Variants in KLK15 observed in about 807,000 individuals in gnomAD.
The protein encoded by KLK15 is kallikrein related peptidase 15, also known as kallikrein-15.
In KLK15, 19 loss-of-function variants were observed where a neutral mutation model predicts 21.1. The ratio of observed to expected loss-of-function variants is 0.90; its 90% CI spans 0.63 to 1.32. The LOEUF is 1.32. Among genes scored for constraint, KLK15 ranks in the 40% most tolerant of loss-of-function variants. The pLI, the probability that KLK15 is intolerant of heterozygous loss-of-function variation, is 0.00. For synonymous variants in KLK15, 141 were observed against 141.5 expected, an observed-to-expected ratio of 1.00 and a Z score of 0.03; for missense variants, 345 against 348.6, an observed-to-expected ratio of 0.99 and a Z score of 0.08.
chr19:50,831,988 A>ATT (rs200501777), upstream of KLK15, among the ~76,000 whole-genome samples: 66 of 148,202 alleles, frequency 4.5e-4, no homozygotes, highest in African/African-American at 1.5e-3. Context: ...ATTTTTTGGA[A>ATT]ATTTTTTTTT....
Position 50,827,064 on chromosome 19 carries a change from C to A in KLK15, c.295G>T (p.Glu99Ter), listed in dbSNP as rs867228839. The stretch of plus-strand genomic sequence containing the variant: ...ATGTCGTTGCGGTGGCTGCGCGCTT[C>A]GTAGCGCGGGTGTGGAATGACCCGA... Residue 99 changes from glutamate (E) to a stop codon, truncating the protein, a stop_gained, in exon 3 of 5, where the codon GAA (glutamate) becomes TAA (stop). Coordinates refer to ENST00000598239, the Ensembl canonical transcript of KLK15. LOFTEE classifies it high-confidence loss of function. 2 of 1,606,310 alleles carry A rather than the reference C, an allele frequency of 1.2e-6. No homozygotes were observed. Among genetic ancestry groups the A allele is most frequent in the Non-Finnish European group, 1.7e-6 (2 of 1,179,938 alleles).
intron 1 of KLK15, chr19:50,830,418 A>G (rs7246740): frequency 0.042 from 6,394 of 152,078 alleles, 297 homozygotes; most frequent in Middle Eastern, 0.12. Context: ...TGTGGTGGAC[A>G]AGGGGCTTAA....
upstream of KLK15, among the ~76,000 whole-genome samples, chr19:50,832,752 C>T (rs2090012365): frequency 6.6e-6 from 1 of 152,170 alleles, no homozygotes; most frequent in Admixed American, 6.5e-5. Context: ...CTATTCCTCC[C>T]ACCGCATATC....
At chr19:50,832,128 AC>A (rs10717456), upstream of KLK15, among the ~76,000 whole-genome samples, 119,109 of 150,846 alleles carry the variant, frequency 0.79, 47,125 homozygotes, top group East Asian at 0.89. Flanking sequence ...GTCTATCTCA[AC>A]CCTCTTATCT....
chr19:50,826,372 A>C, intron 4 of KLK15: 3 of 471,434 alleles, frequency 6.4e-6, no homozygotes. Flanking sequence ...AAACCAAACC[A>C]TTCCCATTCT....
chr19:50,826,588 T>C, intron 4 of KLK15, 33 bp downstream of exon 5: 1 of 1,552,166 alleles, frequency 6.4e-7, no homozygotes. Context: ...CCCATCCCTC[T>C]TCTTCCGCCT....
At chr19:50,826,060 C>T (rs1459488496) in intron 4 of KLK15, 112 bp from the exon 6 acceptor site, 3 of 1,115,934 alleles carry the variant, frequency 2.7e-6, no homozygotes, top group East Asian at 5.1e-5. Context: ...TCCCAGGGAA[C>T]CCCAACCCAA....
At chr19:50,826,960 G>C in exon 3 of KLK15, 1 of 1,605,698 alleles carries the variant, frequency 6.2e-7, no homozygotes, top group African/African-American at 1.3e-5. Flanking sequence ...CCTCCCCCGG[G>C]TGGGGGCAAC....
chr19:50,831,415 C>A (rs1186449098), intron 1 of KLK15, 35 bp downstream of exon 2: 6 of 1,395,340 alleles, frequency 4.3e-6, no homozygotes, highest in South Asian at 1.6e-5. Context: ...GGCACCTGCT[C>A]CCACAGACCT....
intron 1 of KLK15, among the ~76,000 whole-genome samples, chr19:50,828,714 TC>T (rs1476363202): frequency 2.6e-5 from 4 of 151,542 alleles, no homozygotes; most frequent in Non-Finnish European, 4.4e-5. Context: ...ATGCCTGTAA[TC>T]CCAGCACTTT....
At chr19:50,827,155 C>A (rs747092735) in exon 3 of KLK15, 2 of 1,583,020 alleles carry the variant, frequency 1.3e-6, no homozygotes, top group Non-Finnish European at 1.7e-6. Context: ...GGCGCACTCT[C>A]ATGAAGCTGT....
chr19:50,826,036 C>A, intron 4 of KLK15, 88 bp from the exon 6 acceptor site: 1 of 1,319,502 alleles, frequency 7.6e-7, no homozygotes, highest in East Asian at 2.4e-5. Flanking sequence ...CACCCCAAAC[C>A]CAATCCATCC....
chr19:50,831,376 T>C, intron 1 of KLK15, 74 bp downstream of exon 2: 1 of 1,130,772 alleles, frequency 8.8e-7, no homozygotes, highest in Non-Finnish European at 1.2e-6. Flanking sequence ...GGCTGGCAGA[T>C]CACTGGGCCC....
exon 4 of KLK15, chr19:50,826,622 T>G: frequency 6.3e-7 from 1 of 1,597,144 alleles, no homozygotes; most frequent in Non-Finnish European, 8.5e-7. Context: ...GGCTCTGACC[T>G]CACAGGATTC....
At chr19:50,827,564 C>G in intron 2 of KLK15, 98 bp downstream of exon 3, 1 of 1,303,276 alleles carries the variant, frequency 7.7e-7, no homozygotes, top group Non-Finnish European at 1.1e-6. Flanking sequence ...TCTTTCAGAA[C>G]CCAGGAGTTC....
At chr19:50,826,265 C>T (rs2089877525) in intron 4 of KLK15, 1 of 452,950 alleles carries the variant, frequency 2.2e-6, no homozygotes, top group African/African-American at 2.0e-5. Flanking sequence ...AAACCCATGC[C>T]CATCTCAAAA....
Position 50,826,867 on chromosome 19 carries a change from C to T in KLK15, c.481+11G>A. The T allele has an allele frequency of 6.4e-7, 1 of 1,554,604 alleles. No homozygotes were observed. The highest frequency in any genetic ancestry group is 8.7e-7 in the Non-Finnish European group (1 of 1,149,556). On this transcript the variant is annotated intron_variant, in intron 3 of 4. Transcript: ENST00000598239. ...TTGAGGCCTCGCATCCAGCTCCATC[C>T]TTTCACGCACCTTGTGACCGGGGGC... is the stretch of plus-strand genomic sequence containing the variant.
At chr19:50,831,978 AT>A (rs1396180443), upstream of KLK15, among the ~76,000 whole-genome samples, 2 of 151,458 alleles carry the variant, frequency 1.3e-5, no homozygotes, top group South Asian at 2.1e-4. Context: ...TGCCCGGCTA[AT>A]TTTTTGGAAA....
intron 3 of KLK15, 51 bp from the exon 5 acceptor site, chr19:50,826,808 C>T (rs1353499795): frequency 1.3e-6 from 2 of 1,581,866 alleles, no homozygotes; most frequent in South Asian, 1.2e-5. Context: ...GGCCCTTGTC[C>T]CCTCCGCCCA....
Sources: gnomAD v4.1 joint callset for allele counts (sites outside exome capture counted in the v4.1 genomes callset) on GRCh38, gnomAD v4.1.1 for gene constraint, MANE v1.5 for transcripts, NCBI Gene and HGNC (gene_info 2026-07-23, HGNC 2026-07-21) for gene names.